Variants in GLRA2 observed in about 807,000 individuals in gnomAD.
The protein encoded by GLRA2 is glycine receptor alpha 2, also known as glycine receptor subunit alpha-2.
A neutral mutation model predicts 31.6 loss-of-function variants in GLRA2; 11 were observed. That is an observed-to-expected ratio of 0.35 (90% confidence interval 0.22 to 0.58). The LOEUF is 0.58. GLRA2 is among the 20% of genes least tolerant of loss of function. GLRA2 has a pLI of 0.84. For missense variants in GLRA2, 212 were observed against 351.8 expected (o/e 0.60, Z 3.18); for synonymous variants, 132 against 134.0 (o/e 0.99, Z 0.10).
intron 2 of GLRA2, among the ~76,000 whole-genome samples, chrX:14,558,802 G>A (rs188733101): frequency 2.6e-4 from 29 of 110,290 alleles, no homozygotes; most frequent in Middle Eastern, 4.6e-3. Flanking sequence ...TACCTTAGGT[G>A]TTAATTAATT....
Position 14,530,145 on chromosome X carries a change from A to G in GLRA2, c.68+20A>G. On this transcript the variant is annotated intron_variant, in intron 1 of 8. Coordinates refer to ENST00000218075, the MANE Select transcript of GLRA2 (RefSeq NM_002063.4). The stretch of plus-strand genomic sequence containing the variant: ...CTTCAGGTAGGTGAAACGACTTTGC[A>G]TGTTGATATTTAAATTGTTTAAAAG... 1.0e-6 allele frequency: 1 copy of G among 987,476 alleles called. No individual in the cohort carries two copies. Among genetic ancestry groups the G allele is most frequent in the Non-Finnish European group, 1.4e-6 (1 of 690,957 alleles). The allele number at this position is 987,476 out of a possible 1,213,427, so 81.4% of individuals were successfully genotyped here. A position where few individuals can be genotyped will look rare whatever the true frequency, so the allele number is the denominator to read the frequency against.
intron 8 of GLRA2, among the ~76,000 whole-genome samples, chrX:14,718,554 C>T (rs1244949378): frequency 8.9e-6 from 1 of 112,192 alleles, no homozygotes; most frequent in African/African-American, 3.2e-5. Flanking sequence ...GTCTCTACTA[C>T]ATGATGTCTG....
intron 4 of GLRA2, among the ~76,000 whole-genome samples, chrX:14,595,612 C>T (rs773545006): frequency 1.3e-4 from 14 of 111,539 alleles, no homozygotes; most frequent in Non-Finnish European, 2.6e-4. Flanking sequence ...CATGTGGGTA[C>T]CTCAGGTTCA....
At chrX:14,727,173 A>T (rs922074916) in intron 8 of GLRA2, among the ~76,000 whole-genome samples, 2 of 111,568 alleles carry the variant, frequency 1.8e-5, no homozygotes, top group African/African-American at 6.5e-5. Flanking sequence ...TAAAAAAAAT[A>T]GACCCTAAGT....
intron 2 of GLRA2, among the ~76,000 whole-genome samples, chrX:14,541,479 C>T (rs922589981): frequency 2.7e-5 from 3 of 111,859 alleles, no homozygotes; most frequent in Middle Eastern, 4.6e-3. Context: ...TTAAACCAAA[C>T]ATACACAGAA....
the GLRA2 span, among the ~76,000 whole-genome samples, chrX:14,503,144 G>A: frequency 4.7e-4 from 53 of 111,613 alleles, no homozygotes; most frequent in African/African-American, 1.6e-3. Context: ...CCTAGAGTAA[G>A]GAGAATCCTA....
At chrX:14,619,069 G>A (rs1569510915) in intron 7 of GLRA2, among the ~76,000 whole-genome samples, 1 of 111,004 alleles carries the variant, frequency 9.0e-6, no homozygotes, top group East Asian at 2.8e-4. Flanking sequence ...CTCCATAACA[G>A]TCTCTAGATC....
At chrX:14,464,320 C>A in the GLRA2 span, among the ~76,000 whole-genome samples, 1 of 111,780 alleles carries the variant, frequency 8.9e-6, no homozygotes, top group Non-Finnish European at 1.9e-5. Flanking sequence ...TTGGGTCTTA[C>A]ATTTAAGTCT....
rs2091987750 is a variant in GLRA2 at position 14,730,954 on chromosome X, T to C, written c.*469T>C. ...CACACACACACACACACACACAAAC[T>C]TCAAAAATGCTTAACCATCTGACCA... is the stretch of plus-strand genomic sequence containing the variant. On this transcript the variant is annotated 3_prime_UTR_variant, in exon 9 of 9. Transcript: ENST00000218075. 1 of 106,218 alleles carries C rather than the reference T, an allele frequency of 9.4e-6. No homozygotes were observed. Among genetic ancestry groups the C allele is most frequent in the Non-Finnish European group, 1.8e-5 (1 of 54,308 alleles). The allele number at this position is 106,218 out of a possible 1,213,427, so 8.8% of individuals were successfully genotyped here. A position where few individuals can be genotyped will look rare whatever the true frequency, so the allele number is the denominator to read the frequency against.
chrX:14,650,096 T>C (rs1047820118), intron 7 of GLRA2, among the ~76,000 whole-genome samples: 1 of 111,842 alleles, frequency 8.9e-6, no homozygotes, highest in Non-Finnish European at 1.9e-5. Context: ...AATAAAACAT[T>C]GGTGCGAGGA....
chrX:14,607,047 CTTTG>C (rs746204068), intron 5 of GLRA2, 80 bp from the exon 6 acceptor site: 81 of 662,644 alleles, frequency 1.2e-4, no homozygotes, highest in East Asian at 3.9e-4. Context: ...TAGACAGTTT[CTTTG>C]TTTGTTTCTT....
intron 6 of GLRA2, among the ~76,000 whole-genome samples, chrX:14,608,033 G>A: frequency 9.0e-6 from 1 of 111,573 alleles, no homozygotes; most frequent in Non-Finnish European, 1.9e-5. Flanking sequence ...CCAGTAACTG[G>A]TCTAGGTCCC....
At chrX:14,504,281 A>T in the GLRA2 span, among the ~76,000 whole-genome samples, 1 of 112,246 alleles carries the variant, frequency 8.9e-6, no homozygotes, top group East Asian at 2.8e-4. Context: ...AGCTGAACTT[A>T]AATGCTCTGT....
chrX:14,530,264 A>C (rs2089236033), intron 1 of GLRA2, 139 bp downstream of exon 1: 2 of 470,471 alleles, frequency 4.3e-6, no homozygotes, highest in Middle Eastern at 4.1e-4. Flanking sequence ...TTCATTTAAA[A>C]CGCCTAATAA....
intron 7 of GLRA2, among the ~76,000 whole-genome samples, chrX:14,619,836 C>G (rs1303434003): frequency 1.8e-5 from 2 of 110,677 alleles, no homozygotes; most frequent in African/African-American, 6.6e-5. Flanking sequence ...CTGGCTTGCT[C>G]CCTTCAATAG....
intron 7 of GLRA2, among the ~76,000 whole-genome samples, chrX:14,678,984 G>A (rs1000867126): frequency 9.0e-6 from 1 of 110,929 alleles, no homozygotes; most frequent in African/African-American, 3.3e-5. Flanking sequence ...CCTAACATGT[G>A]TAACTTCTGC....
At chrX:14,633,408 T>C (rs374592371) in intron 7 of GLRA2, among the ~76,000 whole-genome samples, 1 of 111,566 alleles carries the variant, frequency 9.0e-6, no homozygotes, top group African/African-American at 3.3e-5. Flanking sequence ...GGCAGGAGGA[T>C]AGCTTGAGCC....
intron 7 of GLRA2, among the ~76,000 whole-genome samples, chrX:14,620,508 A>T (rs774125174): frequency 9.0e-6 from 1 of 110,801 alleles, no homozygotes; most frequent in Non-Finnish European, 1.9e-5. Context: ...ATTTTCCTTG[A>T]TCTTAAGGTG....
intron 7 of GLRA2, among the ~76,000 whole-genome samples, chrX:14,685,174 T>A (rs2147174409): frequency 8.9e-6 from 1 of 111,798 alleles, no homozygotes; most frequent in Admixed American, 9.5e-5. Context: ...GCCCACTTGA[T>A]CATGGTGGGT....
Sources: gnomAD v4.1 joint callset for allele counts (sites outside exome capture counted in the v4.1 genomes callset) on GRCh38, gnomAD v4.1.1 for gene constraint, MANE v1.5 for transcripts, NCBI Gene and HGNC (gene_info 2026-07-23, HGNC 2026-07-21) for gene names.